The following MEIS1 variants were observed in gnomAD, a reference collection of about 807,000 sequenced individuals.
MEIS1 encodes the protein homeobox protein Meis1.
In MEIS1, 5 loss-of-function variants were observed where a neutral mutation model predicts 50.8. That is an observed-to-expected ratio of 0.10 (90% CI 0.05 to 0.21). MEIS1 has a LOEUF of 0.21. Among genes scored for constraint, MEIS1 ranks in the 10% least tolerant of loss-of-function variants. The probability of loss-of-function intolerance (pLI) is 1.00; values close to 1 mark genes in which losing one functional copy is unlikely to be tolerated. For synonymous variants in MEIS1, 176 were observed against 179.3 expected (o/e 0.98, Z 0.15); for missense variants, 318 against 517.3 (o/e 0.61, Z 3.74).
Position 66,571,641 on chromosome 2 carries a change from A to G in MEIS1, c.*433A>G. 7.8e-7 allele frequency: 1 copy of G among 1,279,608 alleles called. No individual in the cohort carries two copies. The highest frequency in any genetic ancestry group is 1.4e-5 in the South Asian group (1 of 72,800). 79.3% of individuals were successfully genotyped at this position (1,279,608 alleles called of 1,614,324 possible). ...CTACTCTGGACCAAGGAGCATCCCT[A>G]ATTCTTCATAGGGACCTTTAAAAAG... is the stretch of plus-strand genomic sequence containing the variant. On this transcript the variant is annotated 3_prime_UTR_variant, in exon 13 of 13. Coordinates refer to ENST00000272369, the MANE Select transcript of MEIS1 (RefSeq NM_002398.3).
chr2:66,454,511 A>G (rs900990943), intron 6 of MEIS1, among the ~76,000 whole-genome samples: 1 of 152,044 alleles, frequency 6.6e-6, no homozygotes, highest in Non-Finnish European at 1.5e-5. Context: ...ACATTTCTGA[A>G]TACAAATACT....
In MEIS1 at chr2:66,571,429, C is replaced by T. The variant is rs1346591346; in HGVS notation, c.*221C>T. The T allele has an allele frequency of 5.6e-6, 9 of 1,605,590 alleles. No individual in the cohort carries two copies. The highest frequency in any genetic ancestry group is 1.6e-4 in the Middle Eastern group (1 of 6,072). ...CCAACAGTGATGATGCATGGAGGAC[C>T]GCCCCACCCTGGAATGCCAATGTCA... On this transcript the variant is annotated 3_prime_UTR_variant, in exon 13 of 13. Coordinates refer to ENST00000272369, the MANE Select transcript of MEIS1 (RefSeq NM_002398.3).
intron 7 of MEIS1, among the ~76,000 whole-genome samples, chr2:66,508,540 C>G (rs1572864351): frequency 6.6e-6 from 1 of 152,336 alleles, no homozygotes; most frequent in African/African-American, 2.4e-5. Flanking sequence ...TAGAATGTTG[C>G]ATATGTGCGG....
chr2:66,485,583 A>G (rs7594867), intron 7 of MEIS1, among the ~76,000 whole-genome samples: 27,050 of 152,216 alleles, frequency 0.18, 5,032 homozygotes, highest in African/African-American at 0.47. Flanking sequence ...TCTTTATAGT[A>G]GAATGATTTA....
intron 6 of MEIS1, among the ~76,000 whole-genome samples, chr2:66,448,318 T>G (rs542455971): frequency 6.6e-6 from 1 of 152,292 alleles, no homozygotes; most frequent in Non-Finnish European, 1.5e-5. Context: ...AACACAGCTG[T>G]GGCTGGGTGA....
chr2:66,516,583 G>C (rs1673975553), intron 8 of MEIS1, among the ~76,000 whole-genome samples: 1 of 151,706 alleles, frequency 6.6e-6, no homozygotes, highest in Non-Finnish European at 1.5e-5. Flanking sequence ...AAATTTGTGT[G>C]TGTGTGTGTG....
Position 66,442,976 on chromosome 2 carries a change from G to T in MEIS1, c.558G>T (p.Val186=), listed in dbSNP as rs1480309602. 1.2e-6 allele frequency: 2 copies of T among 1,603,978 alleles called. No individual in the cohort carries two copies. Among genetic ancestry groups the T allele is most frequent in the Admixed American group, 3.5e-5 (2 of 57,942 alleles). The change falls in exon 6 of 13, where the codon GTG becomes GTT. Residue 186 remains valine, a synonymous_variant. Coordinates refer to ENST00000272369, the MANE Select transcript of MEIS1 (RefSeq NM_002398.3). ...AAGGGAAAATGCCTATCGATTTGGT[G>T]ATAGACGATAGAGAAGGAGGATCAA... ...CLKGKMPIDL[V]IDDREGGSKS...
At chr2:66,463,639 T>G (rs987866236) in intron 6 of MEIS1, among the ~76,000 whole-genome samples, 1 of 152,182 alleles carries the variant, frequency 6.6e-6, no homozygotes, top group Non-Finnish European at 1.5e-5. Flanking sequence ...CTAGCTATTA[T>G]GGACCCAGGC....
chr2:66,522,762 A>G (rs1674156741), intron 8 of MEIS1, among the ~76,000 whole-genome samples: 1 of 152,168 alleles, frequency 6.6e-6, no homozygotes, highest in South Asian at 2.1e-4. Context: ...AGGGGGAGAA[A>G]AAAATAGATT....
intron 8 of MEIS1, among the ~76,000 whole-genome samples, chr2:66,519,097 C>A (rs1674047000): frequency 6.6e-6 from 1 of 152,052 alleles, no homozygotes; most frequent in African/African-American, 2.4e-5. Context: ...TCTTTTAATC[C>A]CCTAAGTAGC....
intron 8 of MEIS1, among the ~76,000 whole-genome samples, chr2:66,523,171 C>T (rs73937944): frequency 0.054 from 8,181 of 152,196 alleles, 527 homozygotes; most frequent in African/African-American, 0.15. Context: ...CAGTAATGGA[C>T]AGTTGCCGTT....
At chr2:66,493,747 C>G (rs1673330208) in intron 7 of MEIS1, among the ~76,000 whole-genome samples, 1 of 152,236 alleles carries the variant, frequency 6.6e-6, no homozygotes, top group East Asian at 1.9e-4. Flanking sequence ...TATAAGTAAA[C>G]CACACAGCCC....
chr2:66,549,774 A>C (rs1189062292), intron 9 of MEIS1, among the ~76,000 whole-genome samples: 1 of 152,112 alleles, frequency 6.6e-6, no homozygotes, highest in Non-Finnish European at 1.5e-5. Flanking sequence ...CCTGTGAGCC[A>C]TCTCTCTTCC....
At chr2:66,517,762 T>TG (rs1674005146) in intron 8 of MEIS1, among the ~76,000 whole-genome samples, 4 of 152,244 alleles carry the variant, frequency 2.6e-5, no homozygotes, top group Non-Finnish European at 4.4e-5. Context: ...AATTTTTCTG[T>TG]GATATACATC....
At chr2:66,477,517 C>G (rs1672921808) in intron 7 of MEIS1, among the ~76,000 whole-genome samples, 1 of 152,156 alleles carries the variant, frequency 6.6e-6, no homozygotes, top group African/African-American at 2.4e-5. Flanking sequence ...CCACCTGTTC[C>G]TGAGGATGGC....
At chr2:66,500,041 T>C (rs1018023666) in intron 7 of MEIS1, among the ~76,000 whole-genome samples, 2 of 152,230 alleles carry the variant, frequency 1.3e-5, no homozygotes, top group Non-Finnish European at 2.9e-5. Context: ...TATCATCTTA[T>C]ACTTTTACAA....
chr2:66,568,915 C>T, intron 11 of MEIS1, 135 bp from the exon 12 acceptor site: 1 of 1,098,442 alleles, frequency 9.1e-7, no homozygotes, highest in South Asian at 1.3e-5. Flanking sequence ...GAGGGGAAGC[C>T]AGGATCTTTA....
chr2:66,519,948 T>C (rs577537852), intron 8 of MEIS1, among the ~76,000 whole-genome samples: 32 of 152,306 alleles, frequency 2.1e-4, no homozygotes, highest in African/African-American at 7.5e-4. Context: ...TCAGTTTTTA[T>C]CTGTTTCCAC....
At chr2:66,460,254 A>C (rs904659102) in intron 6 of MEIS1, among the ~76,000 whole-genome samples, 2 of 152,122 alleles carry the variant, frequency 1.3e-5, no homozygotes, top group Non-Finnish European at 2.9e-5. Flanking sequence ...AGGAAAGGAG[A>C]AGACAGAGAA....
Sources: gnomAD v4.1 joint callset for allele counts (sites outside exome capture counted in the v4.1 genomes callset) on GRCh38, gnomAD v4.1.1 for gene constraint, MANE v1.5 for transcripts, NCBI Gene and HGNC (gene_info 2026-07-23, HGNC 2026-07-21) for gene names.